Variants in BARX2 observed in about 807,000 individuals in gnomAD.
BARX2 encodes the protein homeobox protein BarH-like 2.
Under a neutral mutation model 25.5 loss-of-function variants are expected in BARX2, and 11 were observed. That is an observed-to-expected ratio of 0.43 (90% CI 0.27 to 0.71). The LOEUF is 0.71. Among genes scored for constraint, BARX2 ranks in the 30% least tolerant of loss-of-function variants. BARX2 has a pLI of 0.19. For synonymous variants in BARX2, 137 were observed against 149.5 expected, an observed-to-expected ratio of 0.92 and a Z score of 0.61; for missense variants, 360 against 359.9, an observed-to-expected ratio of 1.00 and a Z score of 0.00.
At chr11:129,411,300 A>G (rs1440889561) in intron 1 of BARX2, among the ~76,000 whole-genome samples, 1 of 150,624 alleles carries the variant, frequency 6.6e-6, no homozygotes, top group Non-Finnish European at 1.5e-5. Flanking sequence ...GAATCCGGGA[A>G]GCAGAGCTTG....
intron 2 of BARX2, among the ~76,000 whole-genome samples, chr11:129,439,757 T>C (rs1039757068): frequency 6.6e-5 from 10 of 152,168 alleles, no homozygotes; most frequent in Non-Finnish European, 1.0e-4. Flanking sequence ...AGGTATGACA[T>C]GGCTGTTTCC....
chr11:129,447,165 T>C lies in BARX2; in HGVS notation c.574-3971T>C, dbSNP rs540166261. ...TACTGACAAACTCTGTCAGCTCAGT[T>C]TCCTATCTGAAAAGTAGAGGGAAGG... On this transcript the variant is annotated intron_variant, in intron 3 of 3. Transcript: ENST00000281437. Among the ~76,000 whole-genome samples the C allele has an allele frequency of 1.1e-4, 17 of 152,274 alleles. No individual in the cohort carries two copies. In the South Asian group the frequency reaches 1.2e-3, roughly 11 times the overall value.
chr11:129,437,827 G>A (rs1297278633), intron 2 of BARX2: 1 of 152,188 alleles, frequency 6.6e-6, no homozygotes, highest in African/African-American at 2.4e-5. Context: ...AGGAGTTTGA[G>A]AGCAGCCTGG....
chr11:129,375,940 G>C lies in BARX2; in HGVS notation c.-96G>C, dbSNP rs1207107268. 18 of 728,216 alleles carry C rather than the reference G, an allele frequency of 2.5e-5. No individual in the cohort carries two copies. Among genetic ancestry groups the C allele is most frequent in the South Asian group, 6.1e-5 (1 of 16,316 alleles). 45.1% of individuals were successfully genotyped at this position (728,216 alleles called of 1,614,324 possible). A position where few individuals can be genotyped will look rare whatever the true frequency, so the allele number is the denominator to read the frequency against. ...CGCCGCCTCCCCAGCTGCCGGGAGC[G>C]GGGCCCAGGCCCCGCCGTCGCGCCA... On this transcript the variant is annotated 5_prime_UTR_variant, in exon 1 of 4. Coordinates refer to ENST00000281437, the MANE Select transcript of BARX2 (RefSeq NM_003658.5). The surrounding 1 kb of genome is among the most constrained non-coding windows in gnomAD (Gnocchi z 4.0).
At chr11:129,380,099 G>A (rs1205194207) in intron 1 of BARX2, among the ~76,000 whole-genome samples, 1 of 151,784 alleles carries the variant, frequency 6.6e-6, no homozygotes, top group Non-Finnish European at 1.5e-5. Flanking sequence ...CTTCGTTATA[G>A]TTTCAGTCCA....
chr11:129,441,292 T>C (rs527430290), intron 2 of BARX2, among the ~76,000 whole-genome samples: 8 of 152,154 alleles, frequency 5.3e-5, no homozygotes, highest in South Asian at 4.2e-4. Flanking sequence ...ACATCGTGGG[T>C]TTGAATCCTG....
At chr11:129,438,643 C>CTGTT (rs1291893713) in intron 2 of BARX2, among the ~76,000 whole-genome samples, 1 of 152,216 alleles carries the variant, frequency 6.6e-6, no homozygotes, top group Non-Finnish European at 1.5e-5. Flanking sequence ...GCACCGTCAG[C>CTGTT]TGTTTGGTAA....
chr11:129,420,395 A>C (rs1248931779), intron 1 of BARX2, among the ~76,000 whole-genome samples: 3 of 152,238 alleles, frequency 2.0e-5, no homozygotes, highest in African/African-American at 7.2e-5. Flanking sequence ...TGATGTGAAC[A>C]GAACACTCGT....
chr11:129,380,812 G>GT (rs5795668), intron 1 of BARX2, among the ~76,000 whole-genome samples: 3,713 of 146,854 alleles, frequency 0.025, 136 homozygotes, highest in African/African-American at 0.081. Context: ...TTAGGAGTCA[G>GT]TTTTTTTTTT....
At chr11:129,384,810 C>T (rs902394522) in intron 1 of BARX2, among the ~76,000 whole-genome samples, 11 of 152,122 alleles carry the variant, frequency 7.2e-5, no homozygotes, top group African/African-American at 2.2e-4. Context: ...ATAGTAATAG[C>T]GACTGTTTAG....
In BARX2 at chr11:129,451,911, A is replaced by G; in HGVS notation, c.*509A>G. On this transcript the variant is annotated 3_prime_UTR_variant, in exon 4 of 4. Coordinates refer to ENST00000281437, the MANE Select transcript of BARX2 (RefSeq NM_003658.5). ...TTTTTTGGGGGGGTGAGGGTGGGCA[A>G]AAACATGGGGGTAGTTCTGAGTTGT... The G allele has an allele frequency of 6.6e-6, 1 of 152,016 alleles. No homozygotes were observed. Among genetic ancestry groups the G allele is most frequent in the Non-Finnish European group, 1.4e-5 (1 of 68,990 alleles). 9.4% of individuals were successfully genotyped at this position (152,016 alleles called of 1,614,324 possible). A position where few individuals can be genotyped will look rare whatever the true frequency, so the allele number is the denominator to read the frequency against.
Position 129,375,874 on chromosome 11 carries a change from C to T in BARX2, c.-162C>T. ...CGGGTGGGTCTAGACGCGCGGCAGG[C>T]GCGCCCGCTACCCGCTCTCCTCCGC... On this transcript the variant is annotated 5_prime_UTR_variant, in exon 1 of 4. Coordinates refer to ENST00000281437, the MANE Select transcript of BARX2 (RefSeq NM_003658.5). This position sits in a 1 kb window ranked among gnomAD's most constrained non-coding sequence, Gnocchi z 4.0. 5.1e-6 allele frequency: 1 copy of T among 196,912 alleles called. No individual in the cohort carries two copies. Among genetic ancestry groups the T allele is most frequent in the Non-Finnish European group, 9.2e-6 (1 of 109,100 alleles). The allele number at this position is 196,912 out of a possible 1,614,324, so 12.2% of individuals were successfully genotyped here. A position where few individuals can be genotyped will look rare whatever the true frequency, so the allele number is the denominator to read the frequency against.
chr11:129,416,260 C>T (rs1302433745), intron 1 of BARX2, among the ~76,000 whole-genome samples: 2 of 152,156 alleles, frequency 1.3e-5, no homozygotes, highest in African/African-American at 4.8e-5. Flanking sequence ...GATTGTTGAC[C>T]TAGCCTTGAC....
intron 1 of BARX2, among the ~76,000 whole-genome samples, chr11:129,389,782 A>G (rs1861649247): frequency 6.6e-6 from 1 of 152,124 alleles, no homozygotes; most frequent in African/African-American, 2.4e-5. Context: ...AGAGAGGAAA[A>G]TAACTCCACT....
chr11:129,426,903 C>T (rs1591442015), intron 1 of BARX2, among the ~76,000 whole-genome samples: 1 of 151,932 alleles, frequency 6.6e-6, no homozygotes, highest in South Asian at 2.1e-4. Context: ...TCTGACTTCT[C>T]TGAGCTCCCT....
chr11:129,401,387 G>C (rs2135393115), intron 1 of BARX2, among the ~76,000 whole-genome samples: 1 of 152,234 alleles, frequency 6.6e-6, no homozygotes, highest in South Asian at 2.1e-4. Flanking sequence ...AGTGAGTCCT[G>C]GAGGAAACCA....
intron 1 of BARX2, among the ~76,000 whole-genome samples, chr11:129,397,475 TA>T (rs1861732230): frequency 1.3e-5 from 2 of 152,212 alleles, no homozygotes; most frequent in South Asian, 4.1e-4. Context: ...GTATCCACCT[TA>T]AAAGCTTTCA....
rs138366938 is a variant in BARX2, at chr11:129,442,492, G to T, written c.489-343G>T. On this transcript the variant is annotated intron_variant, in intron 2 of 3. Coordinates refer to ENST00000281437, the MANE Select transcript of BARX2 (RefSeq NM_003658.5). ...CCTTTTGTTTCCAGTCTGGACGATG[G>T]GCCAGAGGGTCAGAGTGAATGCTCT... Among the ~76,000 whole-genome samples the T allele has an allele frequency of 2.5e-4, 38 of 152,292 alleles. No individual in the cohort carries two copies. The East Asian group carries it at 6.9e-3, about 28-fold the overall frequency.
rs1861659072 is a variant in BARX2 at position 129,390,853 on chromosome 11, G to A, written c.187+14631G>A. Among the ~76,000 whole-genome samples, 1 of 152,136 alleles carries A rather than the reference G, an allele frequency of 6.6e-6. No homozygotes were observed. The highest frequency in any genetic ancestry group is 1.5e-5 in the Non-Finnish European group (1 of 68,028). ...ATCCTGGGTCACAAAAGATCATGAC[G>A]ACTGTATTATAATACAATAATGGTA... On this transcript the variant is annotated intron_variant, in intron 1 of 3. Transcript: ENST00000281437. This position sits in a 1 kb window ranked among gnomAD's most constrained non-coding sequence, Gnocchi z 4.3.
Sources: allele counts gnomAD v4.1 joint callset (sites outside exome capture counted in the v4.1 genomes callset), GRCh38; gene constraint gnomAD v4.1.1; non-coding constraint Gnocchi (gnomAD v3.1); transcripts MANE v1.5; gene names NCBI Gene and HGNC (gene_info 2026-07-23, HGNC 2026-07-21).